The following BBX variants were observed in gnomAD, a reference collection of about 807,000 sequenced individuals.
BBX encodes BBX high mobility group box domain containing.
A neutral mutation model predicts 100.2 loss-of-function variants in BBX; 30 were observed. That is an observed-to-expected ratio of 0.30 (90% CI 0.22 to 0.41). The LOEUF (loss-of-function observed/expected upper bound fraction) is 0.41, where lower values mean the gene tolerates loss of function less well. BBX is among the 10% of genes least tolerant of loss of function. The pLI is 1.00. For missense variants in BBX, 1,023 were observed against 1,129.8 expected, an observed-to-expected ratio of 0.91 and a Z score of 1.35; for synonymous variants, 376 against 388.1, an observed-to-expected ratio of 0.97 and a Z score of 0.37.
chr3:107,616,778 A>G (rs2055323666), intron 2 of BBX, among the ~76,000 whole-genome samples: 1 of 152,040 alleles, frequency 6.6e-6, no homozygotes, highest in Non-Finnish European at 1.5e-5. Flanking sequence ...TGTTCTTTAT[A>G]TATCATCGAT....
At chr3:107,590,422 A>G (rs188751785) in intron 2 of BBX, among the ~76,000 whole-genome samples, 2 of 152,332 alleles carry the variant, frequency 1.3e-5, no homozygotes, top group African/African-American at 4.8e-5. Flanking sequence ...TGAAATACAC[A>G]GTAAACTGTT....
intron 2 of BBX, among the ~76,000 whole-genome samples, chr3:107,620,755 A>T (rs1212347599): frequency 6.6e-6 from 1 of 152,088 alleles, no homozygotes; most frequent in Non-Finnish European, 1.5e-5. Context: ...GCCTTTACTG[A>T]TACTATGGAT....
chr3:107,620,946 G>C (rs573627969), intron 2 of BBX, among the ~76,000 whole-genome samples: 178 of 150,560 alleles, frequency 1.2e-3, no homozygotes, highest in African/African-American at 4.2e-3. Context: ...GTGTGTGTGG[G>C]GGGGTGGGGG....
At chr3:107,549,795 A>G (rs1451403908) in intron 2 of BBX, among the ~76,000 whole-genome samples, 1 of 151,766 alleles carries the variant, frequency 6.6e-6, no homozygotes, top group Non-Finnish European at 1.5e-5. Flanking sequence ...AATTCCTAAT[A>G]GCAGTCAGGT....
chr3:107,713,522 A>T (rs1576462787), intron 4 of BBX, among the ~76,000 whole-genome samples: 1 of 152,184 alleles, frequency 6.6e-6, no homozygotes, highest in East Asian at 1.9e-4. Flanking sequence ...CTAAACTCTA[A>T]GAGCGTTTTT....
At chr3:107,791,480 G>A (rs981008111) in intron 15 of BBX, among the ~76,000 whole-genome samples, 181 bp downstream of exon 15, 21 of 152,198 alleles carry the variant, frequency 1.4e-4, no homozygotes, top group Non-Finnish European at 2.8e-4. Flanking sequence ...CCTGCCAAGG[G>A]TCAGGCAATG....
chr3:107,751,758 C>CAA lies in BBX; in HGVS notation c.825+3720_825+3721insAA, dbSNP rs200068631. On this transcript the variant is annotated intron_variant, in intron 9 of 17. Coordinates refer to ENST00000325805, the MANE Select transcript of BBX (RefSeq NM_001142568.3). The stretch of plus-strand genomic sequence containing the variant: ...CAGACTGCAGGGACAGTTTCTCACT[C>CAA]ACCACCCCCAATTTCAGCCTGTCTC... Among the ~76,000 whole-genome samples, 43 of 148,998 alleles carry CAA rather than the reference C, an allele frequency of 2.9e-4. No homozygotes were observed. In the East Asian group the frequency reaches 7.7e-3, roughly 27 times the overall value.
chr3:107,787,209 A>T (rs570500823), intron 13 of BBX, among the ~76,000 whole-genome samples: 8 of 152,096 alleles, frequency 5.3e-5, no homozygotes, highest in Admixed American at 2.6e-4. Flanking sequence ...TCTGGCCAGG[A>T]TGGTCTTGAT....
intron 2 of BBX, among the ~76,000 whole-genome samples, chr3:107,603,790 GTAT>G (rs2054235213): frequency 1.3e-5 from 2 of 152,054 alleles, no homozygotes; most frequent in African/African-American, 2.4e-5. Context: ...GCAGCAAAGG[GTAT>G]GACTCACTGA....
intron 10 of BBX, among the ~76,000 whole-genome samples, chr3:107,756,220 C>G (rs1244147081): frequency 6.6e-6 from 1 of 152,008 alleles, no homozygotes; most frequent in Middle Eastern, 3.2e-3. Context: ...GAACAGAGAC[C>G]TTATTAGTGG....
chr3:107,572,962 G>A (rs1283378866), intron 2 of BBX, among the ~76,000 whole-genome samples: 1 of 152,062 alleles, frequency 6.6e-6, no homozygotes, highest in Admixed American at 6.5e-5. Context: ...TATTTTAAAT[G>A]TTATCCCAGT....
chr3:107,644,295 A>C (rs751036156), intron 2 of BBX, among the ~76,000 whole-genome samples: 45 of 152,188 alleles, frequency 3.0e-4, no homozygotes, highest in Non-Finnish European at 1.8e-4. Flanking sequence ...AATCAAAATA[A>C]GAATGAAACT....
At chr3:107,679,452 T>TAACC in intron 3 of BBX, among the ~76,000 whole-genome samples, 1 of 152,260 alleles carries the variant, frequency 6.6e-6, no homozygotes, top group Non-Finnish European at 1.5e-5. Context: ...GGAAGCTGTG[T>TAACC]GGTTTCCCAG....
At chr3:107,605,895 G>A (rs1227634842) in intron 2 of BBX, among the ~76,000 whole-genome samples, 1 of 151,990 alleles carries the variant, frequency 6.6e-6, no homozygotes, top group African/African-American at 2.4e-5. Context: ...CAAGCTTTTT[G>A]GATTTTACCT....
intron 3 of BBX, among the ~76,000 whole-genome samples, chr3:107,699,358 G>T (rs749601632): frequency 2.6e-5 from 4 of 151,878 alleles, no homozygotes; most frequent in Admixed American, 6.5e-5. Flanking sequence ...GTAGAACTTT[G>T]AAAGTGAGAA....
chr3:107,587,698 G>T (rs1338204769), intron 2 of BBX, among the ~76,000 whole-genome samples: 1 of 152,134 alleles, frequency 6.6e-6, no homozygotes, highest in African/African-American at 2.4e-5. Flanking sequence ...GAAATCATTC[G>T]AATTCATTTT....
chr3:107,805,614 C>A lies in BBX; in HGVS notation c.*157C>A, dbSNP rs1002595068. On this transcript the variant is annotated 3_prime_UTR_variant, in exon 18 of 18. Coordinates refer to ENST00000325805, the MANE Select transcript of BBX (RefSeq NM_001142568.3). The stretch of plus-strand genomic sequence containing the variant: ...ATTCACTTGAAGCAGAAGTTAGCAT[C>A]CTGGGCCAGTTTGTTCTCTCAGAAC... 1 of 1,402,508 alleles carries A rather than the reference C, an allele frequency of 7.1e-7. No homozygotes were observed. The highest frequency in any genetic ancestry group is 1.4e-5 in the African/African-American group (1 of 69,276). The allele number at this position is 1,402,508 out of a possible 1,614,324, so 86.9% of individuals were successfully genotyped here.
chr3:107,562,318 A>G lies in BBX; in HGVS notation c.-84+35920A>G, dbSNP rs965557689. Among the ~76,000 whole-genome samples, 5 of 152,222 alleles carry G rather than the reference A, an allele frequency of 3.3e-5. 1 individual carries two copies. Among genetic ancestry groups the G allele is most frequent in the African/African-American group, 1.2e-4 (5 of 41,462 alleles). ...TTTAAGGGAAGTTTCGCTTTACTCAAATGTTCATGCCTTGAACATGTGTTT... is the reference window on the plus strand; with the variant it reads ...TTTAAGGGAAGTTTCGCTTTACTCAGATGTTCATGCCTTGAACATGTGTTT... On this transcript the variant is annotated intron_variant, in intron 2 of 17. Coordinates refer to ENST00000325805, the MANE Select transcript of BBX (RefSeq NM_001142568.3).
chr3:107,650,153 G>A (rs575321839), intron 3 of BBX, among the ~76,000 whole-genome samples: 11 of 152,146 alleles, frequency 7.2e-5, no homozygotes, highest in Middle Eastern at 3.4e-3. Flanking sequence ...AGGGGTCCCC[G>A]ACTTCCTGGG....
Sources: allele counts gnomAD v4.1 joint callset (sites outside exome capture counted in the v4.1 genomes callset), GRCh38; gene constraint gnomAD v4.1.1; transcripts MANE v1.5; gene names NCBI Gene and HGNC (gene_info 2026-07-23, HGNC 2026-07-21).